METTL8: variants seen among roughly 807,000 people sequenced by gnomAD.
METTL8 encodes methyltransferase 8, tRNA N3-cytidine, also known as tRNA N(3)-cytidine methyltransferase METTL8, mitochondrial.
A neutral mutation model predicts 48.7 loss-of-function variants in METTL8; 32 were observed. That is an observed-to-expected ratio of 0.66 (90% CI 0.50 to 0.88). METTL8 has a LOEUF of 0.88. Ranked by LOEUF, METTL8 falls within the 40% of genes least tolerant of loss-of-function variation. METTL8 has a pLI of 0.00. For synonymous variants in METTL8, 136 were observed against 157.1 expected (o/e 0.87, Z 1.01); for missense variants, 464 against 474.4 (o/e 0.98, Z 0.20).
chr2:171,429,834 G>GT (rs1008034390), intron 1 of METTL8, among the ~76,000 whole-genome samples: 1 of 152,138 alleles, frequency 6.6e-6, no homozygotes, highest in African/African-American at 2.4e-5. Context: ...GAGGTCAGGA[G>GT]TTTGAGACCA....
chr2:171,316,003 TGTGACGTAGTAG>T lies in METTL8; in HGVS notation c.*8157_*8168del, dbSNP rs2105365497. On this transcript the variant is annotated 3_prime_UTR_variant, in exon 10 of 10. Transcript: ENST00000375258. Reference sequence around the variant, plus strand: ...TAAGCCCTGGGTGTGTTGTGTAGTGTGTGACGTAGTAGGTGAAAAACAGCAAAGAGGTAATTC... The same window carrying T: ...TAAGCCCTGGGTGTGTTGTGTAGTGTGTGAAAAACAGCAAAGAGGTAATTC... 6.6e-6 allele frequency among the ~76,000 whole-genome samples: 1 copy of T among 152,322 alleles called. No homozygotes were observed. Among genetic ancestry groups the T allele is most frequent in the Admixed American group, 6.5e-5 (1 of 15,296 alleles).
intron 1 of METTL8, among the ~76,000 whole-genome samples, chr2:171,406,938 T>A (rs1125991): frequency 0.1 from 15,406 of 152,142 alleles, 907 homozygotes; most frequent in African/African-American, 0.16. Flanking sequence ...TGTTATCTGC[T>A]ACCAAAAGTA....
chr2:171,423,037 T>C (rs986288687), intron 1 of METTL8, among the ~76,000 whole-genome samples: 11 of 152,300 alleles, frequency 7.2e-5, no homozygotes, highest in Non-Finnish European at 1.3e-4. Context: ...GTTATCCTCA[T>C]GCTGATCTTG....
chr2:171,333,071 G>A (rs1685710631), intron 5 of METTL8, among the ~76,000 whole-genome samples: 2 of 143,898 alleles, frequency 1.4e-5, no homozygotes, highest in Non-Finnish European at 3.1e-5. Context: ...TCTGACCCAG[G>A]TGCAGGTTAT....
chr2:171,331,634 C>G, intron 6 of METTL8, 170 bp downstream of exon 6: 1 of 533,900 alleles, frequency 1.9e-6, no homozygotes, highest in Non-Finnish European at 3.5e-6. Flanking sequence ...CCAGGCTGGT[C>G]TCAAACTCCT....
chr2:171,404,826 A>T (rs1445989463), intron 1 of METTL8, among the ~76,000 whole-genome samples: 1 of 152,198 alleles, frequency 6.6e-6, no homozygotes, highest in East Asian at 1.9e-4. Context: ...AACCACTCAG[A>T]TACAGAATTA....
At chr2:171,374,830 A>G in intron 2 of METTL8, 1 of 689,974 alleles carries the variant, frequency 1.4e-6, no homozygotes, top group South Asian at 1.6e-5. Context: ...TGTTTAACAT[A>G]CACAGTAGGT....
At chr2:171,428,189 T>C (rs1692610461) in intron 1 of METTL8, among the ~76,000 whole-genome samples, 1 of 152,226 alleles carries the variant, frequency 6.6e-6, no homozygotes, top group Non-Finnish European at 1.5e-5. Flanking sequence ...TTTCCAATCA[T>C]AAAACTGTAT....
intron 1 of METTL8, among the ~76,000 whole-genome samples, chr2:171,412,640 A>G (rs1690868272): frequency 6.6e-6 from 1 of 152,184 alleles, no homozygotes; most frequent in African/African-American, 2.4e-5. Context: ...ATGTGGATAA[A>G]AGCATTAGCA....
At chr2:171,344,410 C>T (rs1010233117) in intron 3 of METTL8, among the ~76,000 whole-genome samples, 2 of 152,148 alleles carry the variant, frequency 1.3e-5, no homozygotes, top group Non-Finnish European at 2.9e-5. Context: ...CAATATGAAC[C>T]CCCTGAAAAT....
intron 9 of METTL8, among the ~76,000 whole-genome samples, chr2:171,324,971 GTAGGTAAT>G (rs1200798540): frequency 6.6e-6 from 1 of 151,786 alleles, no homozygotes; most frequent in Non-Finnish European, 1.5e-5. Flanking sequence ...AGGCGTGGAG[GTAGGTAAT>G]CTCAGCTACT....
intron 1 of METTL8, among the ~76,000 whole-genome samples, chr2:171,409,571 C>G (rs528301710): frequency 6.6e-5 from 10 of 152,218 alleles, no homozygotes; most frequent in Admixed American, 3.3e-4. Context: ...TTTCCTTTCT[C>G]CCCCACTGAA....
Position 171,326,159 on chromosome 2 carries a change from A to G in METTL8, c.861-11T>C, listed in dbSNP as rs1268394564. The stretch of plus-strand genomic sequence containing the variant: ...ACAACACCTTGCATCCTTTGGAAAC[A>G]AAGTATTAAAAAGATACCCAGTTTG... On this transcript the variant is annotated splice_polypyrimidine_tract_variant and intron_variant, in intron 7 of 9. Transcript: ENST00000375258. 2.2e-6 allele frequency: 3 copies of G among 1,347,982 alleles called. No homozygotes were observed. Among genetic ancestry groups the G allele is most frequent in the Non-Finnish European group, 3.1e-6 (3 of 973,234 alleles). The allele number at this position is 1,347,982 out of a possible 1,614,324, so 83.5% of individuals were successfully genotyped here. A position where few individuals can be genotyped will look rare whatever the true frequency, so the allele number is the denominator to read the frequency against.
At chr2:171,397,553 C>CA (rs34936693) in intron 1 of METTL8, among the ~76,000 whole-genome samples, 3,894 of 51,846 alleles carry the variant, frequency 0.075, 194 homozygotes, top group African/African-American at 0.14. Context: ...AACCCTGCCT[C>CA]AAAAAAAAAA....
chr2:171,390,387 A>T lies in METTL8; in HGVS notation c.143+1656T>A, dbSNP rs76283097. Among the ~76,000 whole-genome samples the T allele has an allele frequency of 7.3e-4, 111 of 152,320 alleles. 1 individual carries two copies. In the East Asian group the frequency reaches 0.02, roughly 27 times the overall value. On this transcript the variant is annotated intron_variant, in intron 2 of 9. Coordinates refer to ENST00000375258, the MANE Select transcript of METTL8 (RefSeq NM_001321154.2). ...GAAGTAATTTCAACTTTCAAGTCTT[A>T]TTTAAGAACTACATTTCGTAAAGCT...
At chr2:171,361,741 A>G (rs555846758) in intron 2 of METTL8, among the ~76,000 whole-genome samples, 1 of 152,336 alleles carries the variant, frequency 6.6e-6, no homozygotes, top group African/African-American at 2.4e-5. Context: ...TTCAAAGTCC[A>G]TCTTCTCAAC....
intron 2 of METTL8, among the ~76,000 whole-genome samples, chr2:171,366,644 C>A (rs1023744529): frequency 1.3e-5 from 2 of 152,100 alleles, no homozygotes; most frequent in African/African-American, 4.8e-5. Context: ...AATGAATGCA[C>A]AGATGGAAGA....
intron 2 of METTL8, among the ~76,000 whole-genome samples, chr2:171,362,783 T>TTTTGACTTAC (rs1482903625): frequency 6.6e-6 from 1 of 152,150 alleles, no homozygotes. Flanking sequence ...TTTTGACTTA[T>TTTTGACTTAC]TTTGACTTAC....
chr2:171,323,877 T>C lies in METTL8; in HGVS notation c.*295A>G. On this transcript the variant is annotated 3_prime_UTR_variant, in exon 10 of 10. Transcript: ENST00000375258. ...CAAGTTACATTTTCTCAAAATTACT[T>C]GACATAATACTAACTTAATTGAATG... 4.1e-6 allele frequency: 1 copy of C among 243,982 alleles called. No homozygotes were observed. Among genetic ancestry groups the C allele is most frequent in the Non-Finnish European group, 7.8e-6 (1 of 128,910 alleles). The allele number at this position is 243,982 out of a possible 1,614,324, so 15.1% of individuals were successfully genotyped here. A position where few individuals can be genotyped will look rare whatever the true frequency, so the allele number is the denominator to read the frequency against.
Sources: allele counts gnomAD v4.1 joint callset (sites outside exome capture counted in the v4.1 genomes callset), GRCh38; gene constraint gnomAD v4.1.1; transcripts MANE v1.5; gene names NCBI Gene and HGNC (gene_info 2026-07-23, HGNC 2026-07-21).